Variants in PLD5 observed in about 807,000 individuals in gnomAD.
The protein encoded by PLD5 is phospholipase D family member 5.
A neutral mutation model predicts 61.1 loss-of-function variants in PLD5; 36 were observed. That is an observed-to-expected ratio of 0.59 (90% confidence interval 0.45 to 0.78). The LOEUF is 0.78. Ranked by LOEUF, PLD5 falls within the 30% of genes least tolerant of loss-of-function variation. The probability of loss-of-function intolerance (pLI) is 0.00; values close to 1 mark genes in which losing one functional copy is unlikely to be tolerated. For synonymous variants in PLD5, 243 were observed against 242.8 expected (o/e 1.00, Z -0.01); for missense variants, 515 against 644.4 (o/e 0.80, Z 2.17).
intron 1 of PLD5, among the ~76,000 whole-genome samples, chr1:242,521,593 G>A (rs530093375): frequency 9.4e-6 from 1 of 105,958 alleles, no homozygotes; most frequent in Admixed American, 8.9e-5. Flanking sequence ...TGAGTAGGCT[G>A]TTTTCAGGCA....
chr1:242,164,346 C>T (rs1026450958), intron 5 of PLD5, among the ~76,000 whole-genome samples: 14 of 151,436 alleles, frequency 9.2e-5, no homozygotes, highest in South Asian at 2.1e-4. Context: ...TTTATCCAAA[C>T]GAAACTGTAC....
Position 242,369,212 on chromosome 1 carries a change from G to A in PLD5, c.190-20970C>T, listed in dbSNP as rs1161729532. 1.3e-5 allele frequency among the ~76,000 whole-genome samples: 2 copies of A among 152,092 alleles called. 1 individual carries two copies. The highest frequency in any genetic ancestry group is 2.9e-5 in the Non-Finnish European group (2 of 68,012). Reference sequence around the variant, plus strand: ...TCTTCCAAGCAAGTACATCTTTTTTGCATGAGTTTGGAAACAATTCAAAAT... The same window carrying A: ...TCTTCCAAGCAAGTACATCTTTTTTACATGAGTTTGGAAACAATTCAAAAT... On this transcript the variant is annotated intron_variant, in intron 1 of 9. Transcript: ENST00000536534.
intron 1 of PLD5, among the ~76,000 whole-genome samples, chr1:242,362,452 T>G (rs1277527437): frequency 6.6e-6 from 1 of 152,232 alleles, no homozygotes; most frequent in Non-Finnish European, 1.5e-5. Context: ...CTTTTGTTAA[T>G]TTCCATGGTG....
intron 4 of PLD5, among the ~76,000 whole-genome samples, chr1:242,220,693 A>AT (rs1384797399): frequency 6.4e-5 from 9 of 139,776 alleles, no homozygotes; most frequent in South Asian, 2.3e-4. Flanking sequence ...ATCTGATAGT[A>AT]TTTTTTTTAA....
intron 5 of PLD5, among the ~76,000 whole-genome samples, chr1:242,209,791 G>C (rs1669679199): frequency 6.6e-6 from 1 of 152,014 alleles, no homozygotes. Flanking sequence ...TCAGTTTTGT[G>C]GGTTGTTTGT....
At chr1:242,465,748 G>A (rs1040631731) in intron 1 of PLD5, among the ~76,000 whole-genome samples, 6 of 152,148 alleles carry the variant, frequency 3.9e-5, no homozygotes, top group East Asian at 1.9e-4. Flanking sequence ...CCAAGATGGC[G>A]AAACCCCATC....
At chr1:242,411,693 C>T (rs1054549077) in intron 1 of PLD5, among the ~76,000 whole-genome samples, 10 of 152,182 alleles carry the variant, frequency 6.6e-5, no homozygotes, top group African/African-American at 2.4e-4. Context: ...ATTGTATTCA[C>T]ATGCAGTTGT....
chr1:242,151,698 C>T (rs1202527515), intron 5 of PLD5, among the ~76,000 whole-genome samples: 2 of 152,040 alleles, frequency 1.3e-5, no homozygotes, highest in Non-Finnish European at 2.9e-5. Flanking sequence ...GGTTTGCTGT[C>T]CATCATTAAT....
chr1:242,509,760 A>C (rs916783704), intron 1 of PLD5, among the ~76,000 whole-genome samples: 87 of 152,210 alleles, frequency 5.7e-4, no homozygotes, highest in Admixed American at 2.6e-4. Context: ...CTTATGAATA[A>C]GCCACCAATA....
chr1:242,525,606 C>T (rs1046790962), upstream of PLD5, among the ~76,000 whole-genome samples: 1 of 152,184 alleles, frequency 6.6e-6, no homozygotes, highest in African/African-American at 2.4e-5. Flanking sequence ...TGCTAAACAG[C>T]TGGTGTTCAG....
chr1:242,510,717 C>A (rs747101222), intron 1 of PLD5, among the ~76,000 whole-genome samples: 1 of 151,854 alleles, frequency 6.6e-6, no homozygotes, highest in African/African-American at 2.4e-5. Flanking sequence ...GGGTGGCAGG[C>A]GCCTGTAGTC....
intron 1 of PLD5, among the ~76,000 whole-genome samples, chr1:242,475,422 C>CA (rs5782239): frequency 0.54 from 49,059 of 91,056 alleles, 12,228 homozygotes; most frequent in African/African-American, 0.59. Context: ...GACTCCGTCT[C>CA]AAAAAAAAAA....
At chr1:242,347,004 A>C (rs1437829961) in intron 2 of PLD5, among the ~76,000 whole-genome samples, 2 of 152,194 alleles carry the variant, frequency 1.3e-5, no homozygotes, top group African/African-American at 4.8e-5. Context: ...TTTTATGGCT[A>C]CATAATATTA....
At chr1:242,251,325 T>C (rs1287260169) in intron 4 of PLD5, among the ~76,000 whole-genome samples, 1 of 152,010 alleles carries the variant, frequency 6.6e-6, no homozygotes, top group Non-Finnish European at 1.5e-5. Flanking sequence ...AAGGGAATGA[T>C]AGTGTATTCA....
intron 2 of PLD5, among the ~76,000 whole-genome samples, chr1:242,336,999 A>T (rs1194389879): frequency 6.6e-6 from 1 of 152,104 alleles, no homozygotes; most frequent in East Asian, 1.9e-4. Flanking sequence ...TCTACGCTCA[A>T]ATCAAGGCTG....
At chr1:242,449,400 G>T in intron 1 of PLD5, 1 of 1,536,060 alleles carries the variant, frequency 6.5e-7, no homozygotes, top group Non-Finnish European at 8.7e-7. Flanking sequence ...CAGCAGCCAG[G>T]AGCTGTCGCT....
chr1:242,363,956 T>G (rs1467416800), intron 1 of PLD5, among the ~76,000 whole-genome samples: 2 of 152,136 alleles, frequency 1.3e-5, no homozygotes, highest in African/African-American at 4.8e-5. Context: ...AAATCTAATA[T>G]ATATGTCCTT....
chr1:242,346,987 T>G (rs1660176141), intron 2 of PLD5, among the ~76,000 whole-genome samples: 1 of 152,358 alleles, frequency 6.6e-6, no homozygotes, highest in Admixed American at 6.5e-5. Flanking sequence ...GACGTGATCT[T>G]GTTCCTTTTT....
chr1:242,415,107 T>C (rs1013725353), intron 1 of PLD5, among the ~76,000 whole-genome samples: 1 of 152,216 alleles, frequency 6.6e-6, no homozygotes, highest in Non-Finnish European at 1.5e-5. Context: ...GACACACTGT[T>C]GTTGAGGCTG....
Sources: allele counts gnomAD v4.1 joint callset (sites outside exome capture counted in the v4.1 genomes callset), GRCh38; gene constraint gnomAD v4.1.1; transcripts MANE v1.5; gene names NCBI Gene and HGNC (gene_info 2026-07-23, HGNC 2026-07-21).